CEP112: variants seen among roughly 807,000 people sequenced by gnomAD.
CEP112 encodes centrosomal protein 112, also known as centrosomal protein of 112 kDa.
In CEP112, 127 loss-of-function variants were observed where a neutral mutation model predicts 153.0. The observed-to-expected ratio is 0.83, with a 90% CI of 0.72 to 0.96. The LOEUF is 0.96. Ranked by LOEUF, CEP112 falls within the 40% of genes least tolerant of loss-of-function variation. The pLI is 0.00. For missense variants in CEP112, 1,089 were observed against 1,101.2 expected (o/e 0.99, Z 0.16); for synonymous variants, 358 against 374.4 (o/e 0.96, Z 0.51).
intron 17 of CEP112, among the ~76,000 whole-genome samples, chr17:65,963,909 C>T (rs1226879575): frequency 6.6e-6 from 1 of 152,172 alleles, no homozygotes; most frequent in Non-Finnish European, 1.5e-5. Context: ...ATAAACAAAA[C>T]AGTTTTTCCA....
intron 21 of CEP112, among the ~76,000 whole-genome samples, chr17:65,842,258 AATTC>A (rs2057546659): frequency 6.6e-6 from 1 of 152,094 alleles, no homozygotes; most frequent in Non-Finnish European, 1.5e-5. Context: ...AAACTAAACT[AATTC>A]ATTTATAATT....
intron 17 of CEP112, among the ~76,000 whole-genome samples, chr17:65,994,998 T>G (rs1357370288): frequency 6.6e-6 from 1 of 152,112 alleles, no homozygotes; most frequent in Non-Finnish European, 1.5e-5. Flanking sequence ...ATTACCCTTT[T>G]GCACCCAGTT....
intron 17 of CEP112, among the ~76,000 whole-genome samples, chr17:65,992,358 T>G (rs1291712934): frequency 6.6e-6 from 1 of 152,124 alleles, no homozygotes; most frequent in African/African-American, 2.4e-5. Flanking sequence ...GTAAATAATG[T>G]TTTTCCACTG....
At chr17:66,047,809 C>A (rs1200015477) in intron 12 of CEP112, among the ~76,000 whole-genome samples, 1 of 152,074 alleles carries the variant, frequency 6.6e-6, no homozygotes, top group Non-Finnish European at 1.5e-5. Context: ...TCCTAAAGAC[C>A]CCAGAGTACT....
At chr17:65,639,067 C>G (rs1188050110) in intron 25 of CEP112, among the ~76,000 whole-genome samples, 1 of 152,114 alleles carries the variant, frequency 6.6e-6, no homozygotes, top group Non-Finnish European at 1.5e-5. Context: ...TCCTCCACTA[C>G]TTATTTTTAT....
At chr17:66,073,074 T>C (rs543800450) in intron 8 of CEP112, among the ~76,000 whole-genome samples, 25 of 152,364 alleles carry the variant, frequency 1.6e-4, no homozygotes, top group African/African-American at 6.0e-4. Context: ...GTTTTCTTTT[T>C]CTGACATCAG....
chr17:65,674,472 C>G (rs1486408620), intron 24 of CEP112, among the ~76,000 whole-genome samples: 1 of 152,180 alleles, frequency 6.6e-6, no homozygotes, highest in Non-Finnish European at 1.5e-5. Context: ...CTGAACAAAT[C>G]TTTCTTTTAA....
chr17:65,714,193 AAC>A (rs1365065431), intron 23 of CEP112, among the ~76,000 whole-genome samples: 1 of 152,082 alleles, frequency 6.6e-6, no homozygotes, highest in Non-Finnish European at 1.5e-5. Flanking sequence ...TACATAGGTA[AAC>A]ACACACACAT....
intron 19 of CEP112, among the ~76,000 whole-genome samples, chr17:65,924,209 C>T (rs374292622): frequency 2.6e-5 from 4 of 152,238 alleles, no homozygotes; most frequent in African/African-American, 9.6e-5. Context: ...ATCTCCTAAC[C>T]TCGTGATCCG....
chr17:66,160,671 C>G (rs1169036804), intron 4 of CEP112, among the ~76,000 whole-genome samples: 1 of 152,134 alleles, frequency 6.6e-6, no homozygotes, highest in Non-Finnish European at 1.5e-5. Context: ...TTCCTTACAT[C>G]TTATACAAAA....
intron 6 of CEP112, among the ~76,000 whole-genome samples, chr17:66,101,718 T>C (rs182054619): frequency 3.4e-4 from 51 of 152,198 alleles, no homozygotes; most frequent in African/African-American, 1.2e-3. Context: ...CAAATACTAT[T>C]GATTAGTCCA....
At chr17:65,849,552 G>A (rs1015909669) in intron 21 of CEP112, among the ~76,000 whole-genome samples, 3 of 152,000 alleles carry the variant, frequency 2.0e-5, no homozygotes, top group Admixed American at 6.6e-5. Flanking sequence ...TACATTTCAC[G>A]AAGTTCATCT....
intron 12 of CEP112, among the ~76,000 whole-genome samples, chr17:66,034,420 G>A (rs1488937902): frequency 6.6e-6 from 1 of 151,864 alleles, no homozygotes; most frequent in Non-Finnish European, 1.5e-5. Flanking sequence ...TTCCTTATAT[G>A]AATCCAAAAT....
chr17:66,178,345 T>A (rs539679311), intron 2 of CEP112, among the ~76,000 whole-genome samples: 3 of 152,230 alleles, frequency 2.0e-5, no homozygotes, highest in Non-Finnish European at 4.4e-5. Flanking sequence ...CATGCCTGTT[T>A]GCCATTTGTA....
At chr17:66,126,714 T>C (rs2069867742) in intron 6 of CEP112, among the ~76,000 whole-genome samples, 1 of 152,138 alleles carries the variant, frequency 6.6e-6, no homozygotes, top group South Asian at 2.1e-4. Flanking sequence ...AAAGAATACA[T>C]TTGGGAATTT....
chr17:65,728,802 C>A (rs1325736044), intron 23 of CEP112, among the ~76,000 whole-genome samples: 1 of 152,120 alleles, frequency 6.6e-6, no homozygotes, highest in Non-Finnish European at 1.5e-5. Context: ...CTGGAAGTTG[C>A]ACTTGTGAGT....
rs147782402 is a variant in CEP112 at position 66,098,454 on chromosome 17, G to A, written c.643-1822C>T. 4.5e-3 allele frequency among the ~76,000 whole-genome samples: 677 copies of A among 152,076 alleles called. 2 individuals carry two copies. The highest frequency in any genetic ancestry group is 8.1e-3 in the South Asian group (39 of 4,820). On this transcript the variant is annotated intron_variant, in intron 6 of 26. Transcript: ENST00000535342. ...AAAAGTTCCCCAAACGATTTATTAC[G>A]GTTAATAACTCTTGAAAATGAACAA... is the stretch of plus-strand genomic sequence containing the variant.
intron 2 of CEP112, among the ~76,000 whole-genome samples, chr17:66,180,580 T>C (rs1261073566): frequency 1.3e-5 from 2 of 152,162 alleles, no homozygotes; most frequent in Non-Finnish European, 2.9e-5. Context: ...TTTTAACATC[T>C]TTAAAAATAA....
intron 24 of CEP112, among the ~76,000 whole-genome samples, chr17:65,649,493 T>C (rs1383206680): frequency 6.6e-6 from 1 of 151,064 alleles, no homozygotes; most frequent in African/African-American, 2.4e-5. Flanking sequence ...GAGGCAGGAG[T>C]ATTGCTTGAA....
Sources: allele counts gnomAD v4.1 joint callset (sites outside exome capture counted in the v4.1 genomes callset), GRCh38; gene constraint gnomAD v4.1.1; transcripts MANE v1.5; gene names NCBI Gene and HGNC (gene_info 2026-07-23, HGNC 2026-07-21).